The following NFIA variants were observed in gnomAD, a reference collection of about 807,000 sequenced individuals.
NFIA encodes the protein nuclear factor 1 A-type.
In NFIA, 8 loss-of-function variants were observed where a neutral mutation model predicts 62.8. That is an observed-to-expected ratio of 0.13 (90% CI 0.07 to 0.23). The LOEUF is 0.23. NFIA is among the 10% of genes least tolerant of loss of function. NFIA has a pLI of 1.00. For missense variants in NFIA, 410 were observed against 642.1 expected (o/e 0.64, Z 3.91); for synonymous variants, 235 against 238.1 (o/e 0.99, Z 0.12).
chr1:61,209,179 A>G (rs1305067492), intron 2 of NFIA, among the ~76,000 whole-genome samples: 3 of 152,116 alleles, frequency 2.0e-5, no homozygotes, highest in Non-Finnish European at 2.9e-5. Context: ...TTAAATGGAA[A>G]TGGGTTTTTT....
At chr1:61,305,884 G>C (rs1286127517) in intron 3 of NFIA, among the ~76,000 whole-genome samples, 2 of 137,194 alleles carry the variant, frequency 1.5e-5, no homozygotes, top group Non-Finnish European at 3.1e-5. Context: ...GTCTCACTCT[G>C]TCGCCCAGGC....
chr1:61,278,965 G>A (rs1355494727), intron 3 of NFIA, among the ~76,000 whole-genome samples: 1 of 152,158 alleles, frequency 6.6e-6, no homozygotes, highest in Non-Finnish European at 1.5e-5. Context: ...GATAATATGT[G>A]TAATGTGTTT....
Position 61,189,535 on chromosome 1 carries a change from C to T in NFIA, c.560-87985C>T, listed in dbSNP as rs376446791. Reference sequence around the variant, plus strand: ...AAAAAATTAGCTGGGCATGGTGGCGCGCAGCTGTAGTCCCAGCTACTCGGG... The same window carrying T: ...AAAAAATTAGCTGGGCATGGTGGCGTGCAGCTGTAGTCCCAGCTACTCGGG... On this transcript the variant is annotated intron_variant, in intron 2 of 10. Transcript: ENST00000403491. Among the ~76,000 whole-genome samples, 14 of 151,990 alleles carry T rather than the reference C, an allele frequency of 9.2e-5. No individual in the cohort carries two copies. The South Asian group carries it at 1.5e-3, about 16-fold the overall frequency.
At chr1:61,204,551 C>T (rs1652766217) in intron 2 of NFIA, among the ~76,000 whole-genome samples, 1 of 151,788 alleles carries the variant, frequency 6.6e-6, no homozygotes, top group Admixed American at 6.6e-5. Flanking sequence ...ACGTAAGTTC[C>T]ATTTTATTTG....
At chr1:61,327,448 A>G (rs1661011756) in intron 3 of NFIA, among the ~76,000 whole-genome samples, 1 of 151,794 alleles carries the variant, frequency 6.6e-6, no homozygotes, top group Non-Finnish European at 1.5e-5. Context: ...GGTCCATTAT[A>G]TCACTCTGTA....
chr1:61,403,078 A>G (rs1024223285), intron 7 of NFIA, among the ~76,000 whole-genome samples: 1 of 152,228 alleles, frequency 6.6e-6, no homozygotes, highest in Non-Finnish European at 1.5e-5. Flanking sequence ...CAAAATGTGG[A>G]CATTCCTGTG....
At chr1:61,413,013 T>C (rs1666172441) in intron 9 of NFIA, among the ~76,000 whole-genome samples, 1 of 152,164 alleles carries the variant, frequency 6.6e-6, no homozygotes, top group Non-Finnish European at 1.5e-5. Context: ...AAAAAACACT[T>C]TTGAATTATG....
chr1:61,195,971 C>T (rs897256804), intron 2 of NFIA, among the ~76,000 whole-genome samples: 1 of 152,094 alleles, frequency 6.6e-6, no homozygotes, highest in Admixed American at 6.5e-5. Context: ...TCTTTTTAGT[C>T]AGACTTTGCT....
intron 10 of NFIA, among the ~76,000 whole-genome samples, chr1:61,451,068 G>T (rs2100588274): frequency 6.6e-6 from 1 of 152,254 alleles, no homozygotes; most frequent in South Asian, 2.1e-4. Flanking sequence ...TGTTCTGATT[G>T]CTCTCTGTGA....
intron 3 of NFIA, among the ~76,000 whole-genome samples, chr1:61,323,182 A>C (rs1660763313): frequency 6.6e-6 from 1 of 152,200 alleles, no homozygotes; most frequent in Non-Finnish European, 1.5e-5. Context: ...CAATTTCTTA[A>C]TGTGTCATGA....
chr1:61,453,589 G>A (rs1668168221), intron 10 of NFIA, among the ~76,000 whole-genome samples: 1 of 151,616 alleles, frequency 6.6e-6, no homozygotes, highest in Admixed American at 6.6e-5. Flanking sequence ...CCAGGCCTTT[G>A]CTTCAAGAAC....
At chr1:61,421,364 G>T (rs571744869) in intron 9 of NFIA, among the ~76,000 whole-genome samples, 1 of 152,166 alleles carries the variant, frequency 6.6e-6, no homozygotes, top group Non-Finnish European at 1.5e-5. Context: ...GAAAAAAAAT[G>T]AATCTATTAA....
At chr1:61,232,618 C>T (rs954585024) in intron 2 of NFIA, among the ~76,000 whole-genome samples, 2 of 152,124 alleles carry the variant, frequency 1.3e-5, no homozygotes, top group Non-Finnish European at 1.5e-5. Flanking sequence ...TTCAAACTTG[C>T]TGGCCTGTAA....
intron 3 of NFIA, among the ~76,000 whole-genome samples, chr1:61,314,661 C>T (rs1330988789): frequency 1.3e-5 from 2 of 152,194 alleles, no homozygotes; most frequent in Non-Finnish European, 2.9e-5. Context: ...AACATATACA[C>T]TTGACTTCCT....
chr1:61,082,466 C>T (rs1190588005), upstream of NFIA: 11 of 1,062,316 alleles, frequency 1.0e-5, no homozygotes, highest in South Asian at 3.1e-5. Context: ...CGCGGGCACC[C>T]GGCCGGGCCG....
At chr1:61,276,494 C>T (rs1337277843) in intron 2 of NFIA, among the ~76,000 whole-genome samples, 1 of 152,132 alleles carries the variant, frequency 6.6e-6, no homozygotes, top group East Asian at 1.9e-4. Context: ...AGTTAGGATG[C>T]AAGCTCTCCG....
chr1:61,160,289 C>G (rs1649102408), intron 2 of NFIA, among the ~76,000 whole-genome samples: 1 of 152,138 alleles, frequency 6.6e-6, no homozygotes, highest in African/African-American at 2.4e-5. Context: ...GGGAAACTTG[C>G]TAGAAATGCA....
intron 4 of NFIA, among the ~76,000 whole-genome samples, chr1:61,346,887 C>T (rs576338404): frequency 6.6e-6 from 1 of 152,312 alleles, no homozygotes; most frequent in South Asian, 2.1e-4. Flanking sequence ...CTTCACAGGG[C>T]AGCAGGAGAG....
intron 2 of NFIA, among the ~76,000 whole-genome samples, chr1:61,247,546 G>T (rs1302086003): frequency 3.9e-5 from 6 of 152,178 alleles, no homozygotes; most frequent in Non-Finnish European, 8.8e-5. Flanking sequence ...ACCTGGCACG[G>T]TCCATTGGGG....
Sources: gnomAD v4.1 joint callset for allele counts (sites outside exome capture counted in the v4.1 genomes callset) on GRCh38, gnomAD v4.1.1 for gene constraint, MANE v1.5 for transcripts, NCBI Gene and HGNC (gene_info 2026-07-23, HGNC 2026-07-21) for gene names.